Variants in SLC6A2 observed in about 807,000 individuals in gnomAD.
The protein encoded by SLC6A2 is solute carrier family 6 member 2.
Under a neutral mutation model 71.7 loss-of-function variants are expected in SLC6A2, and 26 were observed. That is an observed-to-expected ratio of 0.36 (90% CI 0.27 to 0.50). The LOEUF (loss-of-function observed/expected upper bound fraction) is 0.50, where lower values mean the gene tolerates loss of function less well. Ranked by LOEUF, SLC6A2 falls within the 20% of genes least tolerant of loss-of-function variation. The pLI is 0.96. For synonymous variants in SLC6A2, 363 were observed against 337.9 expected, an observed-to-expected ratio of 1.07 and a Z score of -0.82; for missense variants, 581 against 803.9, an observed-to-expected ratio of 0.72 and a Z score of 3.35.
rs1452541413 is a variant in SLC6A2, at chr16:55,691,912, G to A, written c.784-6G>A. The stretch of plus-strand genomic sequence containing the variant: ...AGGCTCTCACCTGAACTTATCCATT[G>A]CCCAGGTGGTGTGGATCACAGCCAC... On this transcript the variant is annotated splice_polypyrimidine_tract_variant and splice_region_variant and intron_variant, in intron 5 of 14. Transcript: ENST00000568943. 1 of 1,614,146 alleles carries A rather than the reference G, an allele frequency of 6.2e-7. No homozygotes were observed.
intron 5 of SLC6A2, among the ~76,000 whole-genome samples, chr16:55,687,442 G>T (rs1323380934): frequency 6.6e-6 from 1 of 152,168 alleles, no homozygotes; most frequent in Non-Finnish European, 1.5e-5. Flanking sequence ...GGTGGCATTC[G>T]AGCTGGGTCT....
intron 4 of SLC6A2, among the ~76,000 whole-genome samples, 174 bp downstream of exon 4, chr16:55,672,349 G>T (rs1348330158): frequency 6.6e-6 from 1 of 152,182 alleles, no homozygotes. Context: ...CCACGGTCGA[G>T]GTAGTTGGAG....
chr16:55,686,519 A>T (rs565323641), intron 5 of SLC6A2, among the ~76,000 whole-genome samples: 9 of 152,294 alleles, frequency 5.9e-5, no homozygotes, highest in African/African-American at 2.2e-4. Context: ...GTGTGAGTTC[A>T]TTGGGGGCCA....
chr16:55,699,753 G>A (rs1965912011), intron 12 of SLC6A2, 99 bp downstream of exon 12: 2 of 861,614 alleles, frequency 2.3e-6, no homozygotes, highest in East Asian at 5.2e-5. Context: ...GGAGGCTCTG[G>A]GATCCAGAGG....
intron 6 of SLC6A2, 85 bp from the exon 7 acceptor site, chr16:55,693,925 C>T: frequency 2.2e-6 from 2 of 914,448 alleles, no homozygotes; most frequent in Non-Finnish European, 3.7e-6. Flanking sequence ...AGAGCATCCC[C>T]AGGGTTTCTC....
At chr16:55,692,192 G>A (rs1361029369) in intron 6 of SLC6A2, 140 bp downstream of exon 6, 2 of 1,009,430 alleles carry the variant, frequency 2.0e-6, no homozygotes, top group African/African-American at 3.2e-5. Flanking sequence ...TGTCTGAGGT[G>A]CAGCTTCCCC....
chr16:55,702,271 G>C (rs376509614), intron 14 of SLC6A2, 52 bp from the exon 15 acceptor site: 1 of 1,589,264 alleles, frequency 6.3e-7, no homozygotes, highest in Admixed American at 1.7e-5. Context: ...GCTGGCCCTT[G>C]CTCCTTTCTG....
At chr16:55,671,500 C>T (rs749319966) in intron 3 of SLC6A2, among the ~76,000 whole-genome samples, 1 of 152,306 alleles carries the variant, frequency 6.6e-6, no homozygotes, top group East Asian at 1.9e-4. Flanking sequence ...TGTTAGGAAC[C>T]GGGCCACACA....
At chr16:55,657,015 T>C (rs1964473438) in intron 2 of SLC6A2, 47 bp downstream of exon 2, 4 of 1,597,680 alleles carry the variant, frequency 2.5e-6, no homozygotes, top group Non-Finnish European at 3.4e-6. Flanking sequence ...AGGTCCACTG[T>C]CTGCAGCGGT....
At chr16:55,676,423 G>T (rs796614592) in intron 4 of SLC6A2, among the ~76,000 whole-genome samples, 47 of 152,276 alleles carry the variant, frequency 3.1e-4, no homozygotes, top group African/African-American at 1.0e-3. Context: ...TTTCACAGTT[G>T]AGACAATACA....
chr16:55,690,540 G>A (rs879522), intron 5 of SLC6A2, among the ~76,000 whole-genome samples: 72,133 of 151,964 alleles, frequency 0.47, 17,327 homozygotes, highest in East Asian at 0.71. Context: ...CTGGCATTTA[G>A]GTTATAGGCC....
Position 55,669,552 on chromosome 16 carries a change from CT to C in SLC6A2, c.275-12del, listed in dbSNP as rs1964847825. 11 of 1,613,834 alleles carry C rather than the reference CT, an allele frequency of 6.8e-6. No homozygotes were observed. Among genetic ancestry groups the C allele is most frequent in the Non-Finnish European group, 9.3e-6 (11 of 1,179,832 alleles). ...GGGTCTGTCAGGTCACACTCTGCCC[CT>C]GTGTCCTCCAGGTGCCTTCTTGATC... On this transcript the variant is annotated splice_polypyrimidine_tract_variant and intron_variant, in intron 2 of 14. Coordinates refer to ENST00000568943, the MANE Select transcript of SLC6A2 (RefSeq NM_001172501.3).
intron 5 of SLC6A2, 29 bp from the exon 6 acceptor site, chr16:55,691,889 G>C: frequency 6.2e-7 from 1 of 1,613,624 alleles, no homozygotes; most frequent in Non-Finnish European, 8.5e-7. Flanking sequence ...CCAGAGCGAG[G>C]CTCTCACCTG....
intron 4 of SLC6A2, among the ~76,000 whole-genome samples, chr16:55,678,831 C>T (rs749664038): frequency 2.6e-5 from 4 of 152,188 alleles, no homozygotes; most frequent in South Asian, 2.1e-4. Context: ...CTAAAACTGA[C>T]GTAAGTTTCT....
At chr16:55,681,247 C>A (rs768988478) in intron 4 of SLC6A2, among the ~76,000 whole-genome samples, 1 of 152,220 alleles carries the variant, frequency 6.6e-6, no homozygotes, top group African/African-American at 2.4e-5. Context: ...TCATCACAGC[C>A]CTTTCACTGA....
At chr16:55,679,822 G>A (rs1041995729) in intron 4 of SLC6A2, among the ~76,000 whole-genome samples, 7 of 152,162 alleles carry the variant, frequency 4.6e-5, no homozygotes, top group Non-Finnish European at 7.3e-5. Context: ...AACTTGGCAC[G>A]GGATGGACTG....
Position 55,702,866 on chromosome 16 carries a change from TCTGAAC to T in SLC6A2, c.*523_*528del, listed in dbSNP as rs1363612311. On this transcript the variant is annotated 3_prime_UTR_variant, in exon 15 of 15. Coordinates refer to ENST00000568943, the MANE Select transcript of SLC6A2 (RefSeq NM_001172501.3). ...GCCCACCCTAGACAGCCCTCTCATG[TCTGAAC>T]CTCAGCCTGGGAGTTAGATTTATTT... The T allele has an allele frequency of 1.0e-6, 1 of 993,138 alleles. No individual in the cohort carries two copies. The highest frequency in any genetic ancestry group is 1.7e-5 in the African/African-American group (1 of 57,440). 61.5% of individuals were successfully genotyped at this position (993,138 alleles called of 1,614,324 possible).
intron 2 of SLC6A2, among the ~76,000 whole-genome samples, chr16:55,664,487 G>C (rs1406474624): frequency 6.6e-6 from 1 of 152,184 alleles, no homozygotes; most frequent in African/African-American, 2.4e-5. Flanking sequence ...CGTTCATGCT[G>C]TGCTCCACAA....
At chr16:55,696,542 C>T (rs762161362) in intron 9 of SLC6A2, among the ~76,000 whole-genome samples, 5 of 152,222 alleles carry the variant, frequency 3.3e-5, no homozygotes, top group African/African-American at 1.2e-4. Flanking sequence ...ACCATAGGAA[C>T]CCCTTTGACA....
Sources: allele counts gnomAD v4.1 joint callset (sites outside exome capture counted in the v4.1 genomes callset), GRCh38; gene constraint gnomAD v4.1.1; transcripts MANE v1.5; gene names NCBI Gene and HGNC (gene_info 2026-07-23, HGNC 2026-07-21).